UNC93B1: variants seen among roughly 807,000 people sequenced by gnomAD.
UNC93B1 encodes protein unc-93 homolog B1.
A neutral mutation model predicts 56.8 loss-of-function variants in UNC93B1; 33 were observed. The observed-to-expected ratio is 0.58, with a 90% CI of 0.44 to 0.78. The LOEUF (loss-of-function observed/expected upper bound fraction) is 0.78, where lower values mean the gene tolerates loss of function less well. Among genes scored for constraint, UNC93B1 ranks in the 30% least tolerant of loss-of-function variants. The pLI, the probability that UNC93B1 is intolerant of heterozygous loss-of-function variation, is 0.00. For missense variants in UNC93B1, 673 were observed against 819.5 expected (o/e 0.82, Z 2.18); for synonymous variants, 334 against 358.6 (o/e 0.93, Z 0.77).
In UNC93B1 at chr11:68,002,918, C is replaced by A. The variant is rs574915610; in HGVS notation, c.392+104G>T. ...GAAAAAAACCTCTCCCTTGTTCCCTCGCCCCACAAACACCCCGGCAGATGG... is the reference window on the plus strand; with the variant it reads ...GAAAAAAACCTCTCCCTTGTTCCCTAGCCCCACAAACACCCCGGCAGATGG... On this transcript the variant is annotated intron_variant, in intron 3 of 10. Coordinates refer to ENST00000227471, the MANE Select transcript of UNC93B1 (RefSeq NM_030930.4). 2.2e-5 allele frequency: 31 copies of A among 1,417,480 alleles called. No individual in the cohort carries two copies. The South Asian group carries it at 3.8e-4, about 17-fold the overall frequency. The allele number at this position is 1,417,480 out of a possible 1,614,324, so 87.8% of individuals were successfully genotyped here.
chr11:68,000,771 T>C (rs1015922196), intron 3 of UNC93B1, among the ~76,000 whole-genome samples: 2 of 152,208 alleles, frequency 1.3e-5, no homozygotes, highest in African/African-American at 4.8e-5. Flanking sequence ...GTCCCTCTAC[T>C]GGGGTTCAAG....
chr11:68,003,295 C>G lies in UNC93B1; in HGVS notation c.239-120G>C. 1 of 1,247,126 alleles carries G rather than the reference C, an allele frequency of 8.0e-7. No homozygotes were observed. Among genetic ancestry groups the G allele is most frequent in the Non-Finnish European group, 1.1e-6 (1 of 931,112 alleles). 77.3% of individuals were successfully genotyped at this position (1,247,126 alleles called of 1,614,324 possible). On this transcript the variant is annotated intron_variant, in intron 2 of 10. Transcript: ENST00000227471. The surrounding 1 kb of genome is among the most constrained non-coding windows in gnomAD (Gnocchi z 4.4). ...TCACCGAAGGCATTCCCGCTGACAG[C>G]GCCCCTCAGGACAGCGGGGTTCCCG...
chr11:67,997,810 T>TG lies in UNC93B1; in HGVS notation c.782-12dup. 6.2e-7 allele frequency: 1 copy of TG among 1,603,878 alleles called. No homozygotes were observed. The highest frequency in any genetic ancestry group is 1.1e-5 in the South Asian group (1 of 90,476). On this transcript the variant is annotated splice_polypyrimidine_tract_variant and intron_variant, in intron 6 of 10. Coordinates refer to ENST00000227471, the MANE Select transcript of UNC93B1 (RefSeq NM_030930.4). ...CGTGGCTGTTGGTGCCTGGGAAGGG[T>TG]GGGGGTGAGGGCACCGTGAGCAGAG...
chr11:67,997,465 A>T, intron 7 of UNC93B1: 1 of 795,620 alleles, frequency 1.3e-6, no homozygotes, highest in Non-Finnish European at 1.9e-6. Context: ...CTCGGACCAC[A>T]GGCCTCAGCC....
In UNC93B1 at chr11:67,999,286, C is replaced by G; in HGVS notation, c.574G>C (p.Glu192Gln). The change falls in exon 5 of 11, where the codon GAG (glutamate) becomes CAG (glutamine). Residue 192 changes from glutamate to glutamine, a missense_variant. Physicochemically the swap from Glu to Gln is conservative, Grantham distance 29. Coordinates refer to ENST00000227471, the MANE Select transcript of UNC93B1 (RefSeq NM_030930.4). ...TCCTGCTCCTTGTAGTGGGAGTACT[C>G]ATGGTACTTCTGCGCCATCCTGGAC... ...YITRMAQKYH[E>Q]YSHYKEQDGQ... The G allele has an allele frequency of 6.2e-7, 1 of 1,613,550 alleles. No individual in the cohort carries two copies. The highest frequency in any genetic ancestry group is 1.7e-5 in the Admixed American group (1 of 59,980).
At position 68,002,992 on chromosome 11, in the gene UNC93B1, G is replaced by T. The variant is rs1287574547; in HGVS notation, c.392+30C>A. On this transcript the variant is annotated intron_variant, in intron 3 of 10. Coordinates refer to ENST00000227471, the MANE Select transcript of UNC93B1 (RefSeq NM_030930.4). ...TGTACCCCTCCGAAATGGGAGTACCGCAGCATCCCACAGGAGCAGCCGCGC... is the reference window on the plus strand; with the variant it reads ...TGTACCCCTCCGAAATGGGAGTACCTCAGCATCCCACAGGAGCAGCCGCGC... 5 of 1,583,434 alleles carry T rather than the reference G, an allele frequency of 3.2e-6. No homozygotes were observed. The East Asian group carries it at 9.4e-5, about 30-fold the overall frequency.
Position 67,995,734 on chromosome 11 carries a change from G to A in UNC93B1, c.1240C>T (p.Leu414=). ...CAGAAAAAGAGGATGAAGGTGAGCA[G>A]CAGGTGCACCCCTGCTCCGGCCACC... ...PLVAGAGVHL[L]LTFILFFWAP... The change falls in exon 9 of 11, where the codon CTG becomes TTG. Residue 414 remains leucine (L), a synonymous_variant. Transcript: ENST00000227471. 1 of 1,548,646 alleles carries A rather than the reference G, an allele frequency of 6.5e-7. No homozygotes were observed. The highest frequency in any genetic ancestry group is 8.7e-7 in the Non-Finnish European group (1 of 1,146,960).
At chr11:67,996,897 G>A in intron 7 of UNC93B1, 113 bp from the exon 8 acceptor site, 1 of 1,314,208 alleles carries the variant, frequency 7.6e-7, no homozygotes, top group Non-Finnish European at 1.0e-6. Context: ...GCTCGGCCCC[G>A]CCTCCCAAAC....
intron 3 of UNC93B1, among the ~76,000 whole-genome samples, chr11:68,001,145 G>A (rs1389027024): frequency 3.9e-5 from 6 of 151,946 alleles, no homozygotes; most frequent in African/African-American, 1.2e-4. Flanking sequence ...GGAGTGAGCC[G>A]AGATTGTGCC....
rs200509185 is a variant in UNC93B1, at chr11:67,993,245, T to C, written c.1482+431A>G. Reference sequence around the variant, plus strand: ...CTCAGGCAATCCACTCGCCTCGGCCTCCCAAAGTGCTGGGATTACAGGCGT... The same window carrying C: ...CTCAGGCAATCCACTCGCCTCGGCCCCCCAAAGTGCTGGGATTACAGGCGT... On this transcript the variant is annotated intron_variant, in intron 10 of 10. Coordinates refer to ENST00000227471, the MANE Select transcript of UNC93B1 (RefSeq NM_030930.4). Among the ~76,000 whole-genome samples, 119 of 151,214 alleles carry C rather than the reference T, an allele frequency of 7.9e-4. 1 individual carries two copies. The highest frequency in any genetic ancestry group is 6.7e-4 in the Non-Finnish European group (45 of 67,382).
chr11:68,000,857 G>A (rs1418075854), intron 3 of UNC93B1, among the ~76,000 whole-genome samples: 2 of 152,132 alleles, frequency 1.3e-5, no homozygotes, highest in African/African-American at 2.4e-5. Context: ...GTCTAAGACT[G>A]GAGCAGCTTC....
At chr11:67,993,854 C>A in intron 9 of UNC93B1, 60 bp from the exon 10 acceptor site, 18 of 1,128,582 alleles carry the variant, frequency 1.6e-5, no homozygotes, top group Non-Finnish European at 2.2e-5. Flanking sequence ...CTGGGGCTAC[C>A]GAGCTACCAT....
Position 67,999,161 on chromosome 11 carries a change from C to A in UNC93B1, c.687+12G>T. 6.2e-7 allele frequency: 1 copy of A among 1,613,788 alleles called. No individual in the cohort carries two copies. The highest frequency in any genetic ancestry group is 8.5e-7 in the Non-Finnish European group (1 of 1,179,812). ...GCCCCTGCCACCCAACAATGGCCCA[C>A]GTGGCACTCACATGGAAGAAGCTGT... On this transcript the variant is annotated intron_variant, in intron 5 of 10. Coordinates refer to ENST00000227471, the MANE Select transcript of UNC93B1 (RefSeq NM_030930.4).
At chr11:67,992,960 G>GC (rs1220941323) in intron 10 of UNC93B1, among the ~76,000 whole-genome samples, 2 of 152,034 alleles carry the variant, frequency 1.3e-5, no homozygotes, top group Non-Finnish European at 2.9e-5. Flanking sequence ...ACTACTGCCA[G>GC]CCCACTCCCT....
chr11:67,991,266 G>A lies in UNC93B1; in HGVS notation c.*280C>T, dbSNP rs2134353374. 5.7e-6 allele frequency: 2 copies of A among 350,208 alleles called. No homozygotes were observed. The highest frequency in any genetic ancestry group is 9.0e-5 in the East Asian group (2 of 22,212). 21.7% of individuals were successfully genotyped at this position (350,208 alleles called of 1,614,324 possible). On this transcript the variant is annotated 3_prime_UTR_variant, in exon 11 of 11. Transcript: ENST00000227471. ...CGGGTCGCAAGAAGACCCTGACCGT[G>A]CTCCGGCGCTGGGGCGCGTGCTAAG...
chr11:67,998,766 A>G (rs1054401775), intron 5 of UNC93B1, among the ~76,000 whole-genome samples: 3 of 152,196 alleles, frequency 2.0e-5, no homozygotes, highest in African/African-American at 7.2e-5. Context: ...GTGTGGTAGC[A>G]CACGCATATG....
Position 68,003,258 on chromosome 11 carries a change from A to G in UNC93B1, c.239-83T>C. On this transcript the variant is annotated intron_variant, in intron 2 of 10. Transcript: ENST00000227471. The surrounding 1 kb of genome is among the most constrained non-coding windows in gnomAD (Gnocchi z 4.4). The stretch of plus-strand genomic sequence containing the variant: ...GCAGAAGACGGCATGCAGGCCTCGC[A>G]GGGAGCTCCAATCACCGAAGGCATT... 7.1e-7 allele frequency: 1 copy of G among 1,401,214 alleles called. No homozygotes were observed. Among genetic ancestry groups the G allele is most frequent in the Non-Finnish European group, 9.4e-7 (1 of 1,062,902 alleles). 86.8% of individuals were successfully genotyped at this position (1,401,214 alleles called of 1,614,324 possible).
intron 6 of UNC93B1, 32 bp downstream of exon 6, chr11:67,998,327 G>A (rs774850586): frequency 5.5e-5 from 89 of 1,611,176 alleles, no homozygotes; most frequent in Non-Finnish European, 7.5e-5. Flanking sequence ...CAGGCTTTGT[G>A]GACTCCTCCC....
chr11:68,002,933 C>G, intron 3 of UNC93B1, 89 bp downstream of exon 3: 1 of 1,464,290 alleles, frequency 6.8e-7, no homozygotes, highest in African/African-American at 1.4e-5. Flanking sequence ...CACAAACACC[C>G]CGGCAGATGG....
Sources: gnomAD v4.1 joint callset for allele counts (sites outside exome capture counted in the v4.1 genomes callset) on GRCh38, gnomAD v4.1.1 for gene constraint, Gnocchi (gnomAD v3.1) non-coding constraint, MANE v1.5 for transcripts, NCBI Gene and HGNC (gene_info 2026-07-23, HGNC 2026-07-21) for gene names.